COBL: variants seen among roughly 807,000 people sequenced by gnomAD.
COBL encodes cordon-bleu WH2 repeat protein.
COBL carries 51 observed loss-of-function variants against 98.8 expected under a neutral mutation model. That is an observed-to-expected ratio of 0.52 (90% CI 0.41 to 0.65). The LOEUF (loss-of-function observed/expected upper bound fraction) is 0.65. COBL is among the 30% of genes least tolerant of loss of function. The pLI is 0.00. For missense variants in COBL, 1,617 were observed against 1,617.5 expected, an observed-to-expected ratio of 1.00 and a Z score of 0.01; for synonymous variants, 634 against 651.7, an observed-to-expected ratio of 0.97 and a Z score of 0.41.
chr7:51,292,000 G>T (rs1246277280), intron 1 of COBL, among the ~76,000 whole-genome samples: 1 of 151,634 alleles, frequency 6.6e-6, no homozygotes, highest in East Asian at 2.0e-4. Context: ...TGTCTCTACT[G>T]AAAACACAAA....
chr7:51,310,733 C>G (rs962829885), intron 1 of COBL, among the ~76,000 whole-genome samples: 3 of 152,198 alleles, frequency 2.0e-5, no homozygotes, highest in Non-Finnish European at 4.4e-5. Context: ...AATCTCGGCT[C>G]ACTGTAACCT....
chr7:51,217,787 T>C (rs1793225223), intron 2 of COBL, among the ~76,000 whole-genome samples: 1 of 152,246 alleles, frequency 6.6e-6, no homozygotes, highest in African/African-American at 2.4e-5. Context: ...GACTAATTTC[T>C]TACGTTACAA....
At chr7:51,165,053 A>C (rs911661458) in intron 5 of COBL, among the ~76,000 whole-genome samples, 5 of 152,078 alleles carry the variant, frequency 3.3e-5, no homozygotes, top group African/African-American at 1.2e-4. Flanking sequence ...CCTTCACTAA[A>C]GGAAGACAGG....
At chr7:51,079,901 C>T (rs1479516278) in intron 7 of COBL, among the ~76,000 whole-genome samples, 1 of 152,356 alleles carries the variant, frequency 6.6e-6, no homozygotes, top group South Asian at 2.1e-4. Flanking sequence ...TGGCACTGAA[C>T]ATCTGAGCAC....
intron 7 of COBL, among the ~76,000 whole-genome samples, chr7:51,065,794 T>A (rs1583663633): frequency 6.6e-6 from 1 of 152,224 alleles, no homozygotes; most frequent in East Asian, 1.9e-4. Flanking sequence ...GTAACATTAT[T>A]AGGATAAGGT....
intron 5 of COBL, among the ~76,000 whole-genome samples, chr7:51,160,758 T>C (rs192127256): frequency 1.0e-3 from 157 of 152,242 alleles, no homozygotes; most frequent in Non-Finnish European, 1.7e-3. Context: ...CAGAAGATCA[T>C]ACAACCTTTA....
chr7:51,029,230 C>T lies in COBL; in HGVS notation c.1866G>A (p.Gly622=), dbSNP rs957589977. 8.1e-6 allele frequency: 13 copies of T among 1,613,788 alleles called. No individual in the cohort carries two copies. Among genetic ancestry groups the T allele is most frequent in the Admixed American group, 5.0e-5 (3 of 59,962 alleles). The stretch of plus-strand genomic sequence containing the variant: ...CCCTGGGCGCCGTTTCCATTAGATT[C>T]CCATCTTTAGAGATGTTAGATAAGG... ...RVALSNISKD[G]NLMETAPRVT... The change falls in exon 10 of 13, where the codon GGG becomes GGA. Residue 622 remains glycine, a synonymous_variant. Coordinates refer to ENST00000265136, the MANE Select transcript of COBL (RefSeq NM_015198.5).
intron 5 of COBL, among the ~76,000 whole-genome samples, chr7:51,150,260 T>A (rs1385238904): frequency 1.3e-5 from 2 of 152,176 alleles, no homozygotes; most frequent in Non-Finnish European, 1.5e-5. Context: ...TCTCTGATAG[T>A]CCAGTGTCTA....
intron 5 of COBL, chr7:51,156,170 T>G: frequency 1.0e-6 from 1 of 985,048 alleles, no homozygotes; most frequent in Non-Finnish European, 1.2e-6. Flanking sequence ...TGTTGATTTT[T>G]GTAGTTCAAC....
intron 1 of COBL, among the ~76,000 whole-genome samples, chr7:51,302,398 A>G (rs1044006073): frequency 1.3e-5 from 2 of 152,064 alleles, no homozygotes; most frequent in Admixed American, 1.3e-4. Flanking sequence ...CCTAGCCAAC[A>G]TGGAGAAACC....
At chr7:51,260,463 TC>T (rs1797613044) in intron 1 of COBL, among the ~76,000 whole-genome samples, 1 of 152,140 alleles carries the variant, frequency 6.6e-6, no homozygotes, top group Non-Finnish European at 1.5e-5. Context: ...GATAACAGGA[TC>T]CCTCCCTGAT....
intron 6 of COBL, among the ~76,000 whole-genome samples, chr7:51,102,822 C>T (rs574971138): frequency 9.2e-5 from 14 of 152,120 alleles, no homozygotes; most frequent in Non-Finnish European, 1.6e-4. Flanking sequence ...TACACACAAG[C>T]GAAGGAAAAC....
intron 5 of COBL, among the ~76,000 whole-genome samples, chr7:51,140,736 T>C (rs947157340): frequency 1.2e-4 from 18 of 152,190 alleles, no homozygotes; most frequent in African/African-American, 4.3e-4. Context: ...AAGTGCCCCA[T>C]AGAACCTGAT....
At chr7:51,078,777 A>C (rs895156263) in intron 7 of COBL, among the ~76,000 whole-genome samples, 6 of 152,162 alleles carry the variant, frequency 3.9e-5, no homozygotes, top group African/African-American at 1.4e-4. Context: ...TCTGCCCCCA[A>C]CTTCACTCAA....
intron 5 of COBL, among the ~76,000 whole-genome samples, chr7:51,169,741 A>T (rs1378797054): frequency 6.6e-6 from 1 of 152,220 alleles, no homozygotes; most frequent in Non-Finnish European, 1.5e-5. Flanking sequence ...GGTACAAAAA[A>T]GTATATAAAG....
rs576224452 is a variant in COBL at position 51,190,625 on chromosome 7, A to G, written c.685+225T>C. On this transcript the variant is annotated intron_variant, in intron 4 of 12. Coordinates refer to ENST00000265136, the MANE Select transcript of COBL (RefSeq NM_015198.5). ...GGAAGTTTGCAGGGAGACAAAGGAT[A>G]AAGGACATGTTCAGGGCTGGGAGAA... Among the ~76,000 whole-genome samples, 3 of 152,270 alleles carry G rather than the reference A, an allele frequency of 2.0e-5. No individual in the cohort carries two copies. The East Asian group carries it at 5.8e-4, about 29-fold the overall frequency.
intron 1 of COBL, among the ~76,000 whole-genome samples, chr7:51,303,282 C>G (rs1264399327): frequency 6.6e-6 from 1 of 152,062 alleles, no homozygotes; most frequent in East Asian, 1.9e-4. Flanking sequence ...AATCCCGGGC[C>G]GGGCGTGGTG....
intron 1 of COBL, among the ~76,000 whole-genome samples, chr7:51,244,492 G>A (rs1796110888): frequency 7.9e-6 from 1 of 125,912 alleles, no homozygotes; most frequent in South Asian, 2.4e-4. Flanking sequence ...TCTGGCCACA[G>A]ATAGAGAGAG....
chr7:51,269,771 C>T (rs1384749920), intron 1 of COBL, among the ~76,000 whole-genome samples: 1 of 152,228 alleles, frequency 6.6e-6, no homozygotes, highest in Non-Finnish European at 1.5e-5. Flanking sequence ...GTTTTCTCAG[C>T]CTCAATTAGA....
Sources: allele counts gnomAD v4.1 joint callset (sites outside exome capture counted in the v4.1 genomes callset), GRCh38; gene constraint gnomAD v4.1.1; transcripts MANE v1.5; gene names NCBI Gene and HGNC (gene_info 2026-07-23, HGNC 2026-07-21).